The following SEPTIN11 variants were observed in gnomAD, a reference collection of about 807,000 sequenced individuals.
SEPTIN11 encodes the protein septin 11.
A neutral mutation model predicts 51.4 loss-of-function variants in SEPTIN11; 25 were observed. That is an observed-to-expected ratio of 0.49 (90% CI 0.35 to 0.68). The LOEUF (loss-of-function observed/expected upper bound fraction) is 0.68, where lower values mean the gene tolerates loss of function less well. Among genes scored for constraint, SEPTIN11 ranks in the 30% least tolerant of loss-of-function variants. SEPTIN11 has a pLI of 0.00. For missense variants in SEPTIN11, 381 were observed against 520.8 expected (o/e 0.73, Z 2.61); for synonymous variants, 174 against 184.1 (o/e 0.95, Z 0.44).
Position 77,036,247 on chromosome 4 carries a change from G to GCTA in SEPTIN11, c.*1738_*1740dup, listed in dbSNP as rs1314460819. On this transcript the variant is annotated 3_prime_UTR_variant, in exon 10 of 10. Transcript: ENST00000264893. ...AGTCATAGTCTTCACAGGTTTAGGA[G>GCTA]CTACTGGACCAACATTCTTGTTTTT... 9.9e-7 allele frequency: 1 copy of GCTA among 1,011,942 alleles called. No individual in the cohort carries two copies. The highest frequency in any genetic ancestry group is 1.2e-6 in the Non-Finnish European group (1 of 846,540). 62.7% of individuals were successfully genotyped at this position (1,011,942 alleles called of 1,614,324 possible).
At chr4:76,953,476 G>C (rs1362272430) in intron 1 of SEPTIN11, among the ~76,000 whole-genome samples, 1 of 152,152 alleles carries the variant, frequency 6.6e-6, no homozygotes, top group Non-Finnish European at 1.5e-5. Flanking sequence ...GGAAGTGGAG[G>C]AGTACTGCCA....
intron 1 of SEPTIN11, among the ~76,000 whole-genome samples, chr4:76,966,348 T>A (rs1322568189): frequency 1.3e-5 from 2 of 152,234 alleles, no homozygotes; most frequent in Non-Finnish European, 2.9e-5. Flanking sequence ...TTAGTTATCC[T>A]GTGCTTTTTA....
At position 77,035,284 on chromosome 4, in the gene SEPTIN11, A is replaced by T. The variant is rs986649011; in HGVS notation, c.*772A>T. The stretch of plus-strand genomic sequence containing the variant: ...TGGATCATGTAACATTGCTTAGTAG[A>T]AGAATCTTCTTCTAAGGATGATGGG... On this transcript the variant is annotated 3_prime_UTR_variant, in exon 10 of 10. Transcript: ENST00000264893. 1.0e-6 allele frequency: 1 copy of T among 985,262 alleles called. No homozygotes were observed. The highest frequency in any genetic ancestry group is 1.1e-4 in the East Asian group (1 of 8,812). 61.0% of individuals were successfully genotyped at this position (985,262 alleles called of 1,614,324 possible). A position where few individuals can be genotyped will look rare whatever the true frequency, so the allele number is the denominator to read the frequency against.
chr4:77,034,797 A>C lies in SEPTIN11; in HGVS notation c.*285A>C. On this transcript the variant is annotated 3_prime_UTR_variant, in exon 10 of 10. Transcript: ENST00000264893. ...AATGGCAGCACGAAGCAGGCCTGTT[A>C]CTTGTATGTCGCTTTGGACAGAGGA... 8.9e-7 allele frequency: 1 copy of C among 1,127,178 alleles called. No individual in the cohort carries two copies. Among genetic ancestry groups the C allele is most frequent in the African/African-American group, 1.6e-5 (1 of 61,826 alleles). The allele number at this position is 1,127,178 out of a possible 1,614,324, so 69.8% of individuals were successfully genotyped here.
chr4:76,950,848 C>CT (rs1459683834), intron 1 of SEPTIN11, among the ~76,000 whole-genome samples: 4 of 152,172 alleles, frequency 2.6e-5, no homozygotes, highest in East Asian at 1.9e-4. Context: ...GCGGCCTTTC[C>CT]TTTTTTTTGA....
In SEPTIN11 at chr4:77,037,327, A is replaced by AT; in HGVS notation, c.*2817dup. 1.0e-6 allele frequency: 1 copy of AT among 960,304 alleles called. No homozygotes were observed. The highest frequency in any genetic ancestry group is 1.2e-6 in the Non-Finnish European group (1 of 807,158). The allele number at this position is 960,304 out of a possible 1,614,324, so 59.5% of individuals were successfully genotyped here. A position where few individuals can be genotyped will look rare whatever the true frequency, so the allele number is the denominator to read the frequency against. ...CAGTGAGCCAAGATTGCACCACTGC[A>AT]TTCCAACCTGGGTGATGAAGTGAGA... is the stretch of plus-strand genomic sequence containing the variant. On this transcript the variant is annotated 3_prime_UTR_variant, in exon 10 of 10. Transcript: ENST00000264893.
intron 1 of SEPTIN11, among the ~76,000 whole-genome samples, chr4:76,983,885 G>C (rs1299980104): frequency 1.3e-5 from 2 of 152,186 alleles, no homozygotes; most frequent in Non-Finnish European, 2.9e-5. Context: ...GCAGGTGCCT[G>C]TAATCCCAGC....
At chr4:76,960,159 C>G (rs557090360) in intron 1 of SEPTIN11, among the ~76,000 whole-genome samples, 1 of 152,192 alleles carries the variant, frequency 6.6e-6, no homozygotes, top group Non-Finnish European at 1.5e-5. Context: ...ATTCTCCTCA[C>G]GTTTGTCACC....
At chr4:77,038,714 C>T, downstream of SEPTIN11, 1 of 926,834 alleles carries the variant, frequency 1.1e-6, no homozygotes, top group Non-Finnish European at 1.3e-6. Context: ...GAGTCTCATG[C>T]TTTCCTGCCT....
At chr4:76,954,285 G>A (rs1721468664) in intron 1 of SEPTIN11, among the ~76,000 whole-genome samples, 1 of 152,166 alleles carries the variant, frequency 6.6e-6, no homozygotes, top group South Asian at 2.1e-4. Context: ...ATTTGGTTGG[G>A]GATAGACGCT....
intron 1 of SEPTIN11, among the ~76,000 whole-genome samples, chr4:76,978,598 T>C (rs1303054243): frequency 6.6e-6 from 1 of 152,150 alleles, no homozygotes; most frequent in Non-Finnish European, 1.5e-5. Flanking sequence ...GCTTAATCTC[T>C]TAGAGCTTCA....
At chr4:77,018,178 G>GCCAGCACTTTCGGAGTAATC (rs368497762) in intron 5 of SEPTIN11, among the ~76,000 whole-genome samples, 202 of 152,214 alleles carry the variant, frequency 1.3e-3, no homozygotes, top group African/African-American at 4.6e-3. Context: ...GGTGACTCAC[G>GCCAGCACTTTCGGAGTAATC]CCAGCACTTT....
chr4:76,975,125 A>AG (rs369714275), intron 1 of SEPTIN11, among the ~76,000 whole-genome samples: 43 of 148,752 alleles, frequency 2.9e-4, no homozygotes, highest in African/African-American at 4.2e-4. Context: ...AAAAAAAAAA[A>AG]GAAGAAAAAA....
rs185154593 is a variant in SEPTIN11, at chr4:77,028,563, A to T, written c.954-66A>T. The T allele has an allele frequency of 2.1e-3, 3,088 of 1,458,696 alleles. 50 individuals carry two copies. The African/African-American group carries it at 0.036, about 17-fold the overall frequency. The allele number at this position is 1,458,696 out of a possible 1,614,324, so 90.4% of individuals were successfully genotyped here. A position where few individuals can be genotyped will look rare whatever the true frequency, so the allele number is the denominator to read the frequency against. The stretch of plus-strand genomic sequence containing the variant: ...TTTTGAAAGTAGATAGGTAGAAATT[A>T]TGTGAACTGAAATTTCTTAGTATAC... On this transcript the variant is annotated intron_variant, in intron 7 of 9. Coordinates refer to ENST00000264893, the MANE Select transcript of SEPTIN11 (RefSeq NM_018243.4).
At chr4:76,995,670 G>T (rs1723663571) in intron 1 of SEPTIN11, 1 of 940,150 alleles carries the variant, frequency 1.1e-6, no homozygotes. Context: ...CAAAGTTGTG[G>T]GGGCAGCCAG....
At chr4:77,039,573 G>A (rs562408688), downstream of SEPTIN11, 1,242 of 985,156 alleles carry the variant, frequency 1.3e-3, 1 homozygote, top group South Asian at 3.8e-3. Context: ...ATCCTCAACC[G>A]TCAGGTCATA....
At chr4:77,039,101 C>T, downstream of SEPTIN11, 1 of 1,289,294 alleles carries the variant, frequency 7.8e-7, no homozygotes, top group South Asian at 1.2e-5. Context: ...ATCCTGTTGA[C>T]AAGCCCTACT....
At chr4:76,999,321 A>G (rs1204411266) in intron 2 of SEPTIN11, among the ~76,000 whole-genome samples, 2 of 152,218 alleles carry the variant, frequency 1.3e-5, no homozygotes, top group African/African-American at 2.4e-5. Flanking sequence ...TCAATGGTCC[A>G]TCTATTTTTA....
At chr4:77,023,267 T>TACAC (rs1346439491) in intron 7 of SEPTIN11, among the ~76,000 whole-genome samples, 3 of 98,770 alleles carry the variant, frequency 3.0e-5, no homozygotes, top group African/African-American at 9.2e-5. Flanking sequence ...AGGGAAAATG[T>TACAC]ATACACACAC....
Sources: allele counts gnomAD v4.1 joint callset (sites outside exome capture counted in the v4.1 genomes callset), GRCh38; gene constraint gnomAD v4.1.1; transcripts MANE v1.5; gene names NCBI Gene and HGNC (gene_info 2026-07-23, HGNC 2026-07-21).